Variants in SCUBE1 observed in about 807,000 individuals in gnomAD.
The protein encoded by SCUBE1 is signal peptide, CUB and EGF-like domain-containing protein 1.
Under a neutral mutation model 124.4 loss-of-function variants are expected in SCUBE1, and 59 were observed. The observed-to-expected ratio is 0.47, with a 90% confidence interval of 0.38 to 0.59. The LOEUF is 0.59. SCUBE1 is among the 20% of genes least tolerant of loss of function. The pLI, the probability that SCUBE1 is intolerant of heterozygous loss-of-function variation, is 0.00. For missense variants in SCUBE1, 1,150 were observed against 1,371.2 expected (o/e 0.84, Z 2.55); for synonymous variants, 545 against 550.9 (o/e 0.99, Z 0.15).
Position 43,210,201 on chromosome 22 carries a change from T to G in SCUBE1, c.2423A>C (p.Tyr808Ser). The change falls in exon 19 of 22, where the codon TAC becomes TCC. Residue 808 changes from tyrosine (Y) to serine (S), a missense_variant. Transcript: ENST00000360835. This position sits in a 1 kb window ranked among gnomAD's most constrained non-coding sequence, Gnocchi z 4.5. ...GCCAGGGTAGTTGGGGGACTCGATG[T>G]AGCCGGTGTAGTCACCAAGCTCGCC... is the stretch of plus-strand genomic sequence containing the variant. ...CGGELGDYTG[Y>S]IESPNYPGDY... 1 of 1,587,754 alleles carries G rather than the reference T, an allele frequency of 6.3e-7. No homozygotes were observed. The highest frequency in any genetic ancestry group is 8.6e-7 in the Non-Finnish European group (1 of 1,166,974).
Position 43,234,798 on chromosome 22 carries a change from G to A in SCUBE1, c.845-2923C>T, listed in dbSNP as rs1922692926. Among the ~76,000 whole-genome samples the A allele has an allele frequency of 6.6e-6, 1 of 152,170 alleles. No homozygotes were observed. Among genetic ancestry groups the A allele is most frequent in the African/African-American group, 2.4e-5 (1 of 41,450 alleles). Reference sequence around the variant, plus strand: ...ATTCTGAGGCTCCTGAGTCTGCTAGGATGTGGGCCCTCCCTCTGCAGAGGC... The same window carrying A: ...ATTCTGAGGCTCCTGAGTCTGCTAGAATGTGGGCCCTCCCTCTGCAGAGGC... On this transcript the variant is annotated intron_variant, in intron 7 of 21. Coordinates refer to ENST00000360835, the MANE Select transcript of SCUBE1 (RefSeq NM_173050.5). The surrounding 1 kb of genome is among the most constrained non-coding windows in gnomAD (Gnocchi z 4.4).
At chr22:43,269,134 C>T (rs2146719984) in intron 4 of SCUBE1, among the ~76,000 whole-genome samples, 1 of 152,268 alleles carries the variant, frequency 6.6e-6, no homozygotes, top group East Asian at 1.9e-4. Context: ...GAGGTTGGGA[C>T]AGCGTCGGGG....
At position 43,211,490 on chromosome 22, in the gene SCUBE1, G is replaced by A. The variant is rs1309202312; in HGVS notation, c.2222-407C>T. The stretch of plus-strand genomic sequence containing the variant: ...GACAGGCGGCCGGAGTCTGAGGGGT[G>A]CCGGGGCGGGGGGCTAGAGATGGGC... On this transcript the variant is annotated intron_variant, in intron 17 of 21. Transcript: ENST00000360835. This position sits in a 1 kb window ranked among gnomAD's most constrained non-coding sequence, Gnocchi z 4.5. Among the ~76,000 whole-genome samples, 1 of 151,898 alleles carries A rather than the reference G, an allele frequency of 6.6e-6. No homozygotes were observed. The highest frequency in any genetic ancestry group is 1.5e-5 in the Non-Finnish European group (1 of 67,964).
rs1253829118 is a variant in SCUBE1 at position 43,280,783 on chromosome 22, TCTC to T, written c.484+10260_484+10262del. Among the ~76,000 whole-genome samples, 31 of 95,450 alleles carry T rather than the reference TCTC, an allele frequency of 3.2e-4. 2 individuals are homozygous for T. Among genetic ancestry groups the T allele is most frequent in the African/African-American group, 1.2e-3 (25 of 20,310 alleles). 62.6% of individuals were successfully genotyped at this position (95,450 alleles called of 152,430 possible). A position where few individuals can be genotyped will look rare whatever the true frequency, so the allele number is the denominator to read the frequency against. Reference sequence around the variant, plus strand: ...TCCCTCATTGGCCACCCTCCTGTCATCTCCTCCTCAGCTACCCTGTCACCTCCC... The same window carrying T: ...TCCCTCATTGGCCACCCTCCTGTCATCTCCTCAGCTACCCTGTCACCTCCC... On this transcript the variant is annotated intron_variant, in intron 4 of 21. Coordinates refer to ENST00000360835, the MANE Select transcript of SCUBE1 (RefSeq NM_173050.5).
rs62232090 is a variant in SCUBE1, at chr22:43,255,320, C to A, written c.727+2899G>T. Among the ~76,000 whole-genome samples, 2 of 152,160 alleles carry A rather than the reference C, an allele frequency of 1.3e-5. No homozygotes were observed. Among genetic ancestry groups the A allele is most frequent in the East Asian group, 3.8e-4 (2 of 5,196 alleles). On this transcript the variant is annotated intron_variant, in intron 6 of 21. Transcript: ENST00000360835. The surrounding 1 kb of genome is among the most constrained non-coding windows in gnomAD (Gnocchi z 4.7). ...CTCACACGACACGCAGGACTGCACA[C>A]ACGTGGGCACACCCCACAACACAGA...
intron 15 of SCUBE1, among the ~76,000 whole-genome samples, chr22:43,217,065 CACCCTG>C (rs1921854261): frequency 1.0e-5 from 1 of 96,066 alleles, no homozygotes. Context: ...ACAGCTTCCC[CACCCTG>C]CCAGGTGTCA....
chr22:43,221,088 C>T, intron 13 of SCUBE1, 85 bp downstream of exon 13: 2 of 982,242 alleles, frequency 2.0e-6, no homozygotes, highest in Admixed American at 3.9e-5. Context: ...ACCAGACTCG[C>T]TGGACCCTGG....
At chr22:43,225,089 C>G (rs1470201723) in intron 10 of SCUBE1, among the ~76,000 whole-genome samples, 4 of 152,146 alleles carry the variant, frequency 2.6e-5, no homozygotes. Flanking sequence ...GCTTCTGCCA[C>G]TGGTATACCT....
At chr22:43,227,274 G>A (rs1027772729) in intron 10 of SCUBE1, 100 bp downstream of exon 10, 23 of 1,361,478 alleles carry the variant, frequency 1.7e-5, no homozygotes, top group Admixed American at 2.1e-5. Context: ...AGAGGAAAGG[G>A]AGGGGCTGTC....
chr22:43,238,878 G>A lies in SCUBE1; in HGVS notation c.804C>T (p.Pro268=), dbSNP rs768353995. The part of the protein sequence containing the change: ...DTATGVRCSC[P]VGFTLQPDGK... ...CGTCCGGCTGCAGTGTGAATCCAAC[G>A]GGGCAGCTGCATCGCACGCCAGTGG... The change falls in exon 7 of 22, where the codon CCC becomes CCT. Residue 268 remains proline, a synonymous_variant. Transcript: ENST00000360835. 29 of 1,613,116 alleles carry A rather than the reference G, an allele frequency of 1.8e-5. No individual in the cohort carries two copies. The highest frequency in any genetic ancestry group is 4.4e-5 in the South Asian group (4 of 91,088).
intron 4 of SCUBE1, among the ~76,000 whole-genome samples, chr22:43,277,033 CAGAGACATG>C (rs1197675052): frequency 1.8e-4 from 27 of 152,130 alleles, no homozygotes; most frequent in Non-Finnish European, 3.2e-4. Context: ...GGCCCGGGAG[CAGAGACATG>C]AGAGACAGGG....
chr22:43,281,567 C>A (rs1338292796), intron 4 of SCUBE1, among the ~76,000 whole-genome samples: 4 of 145,150 alleles, frequency 2.8e-5, no homozygotes, highest in Admixed American at 7.0e-5. Flanking sequence ...CCCCCTCAGC[C>A]ACCCTCCTGT....
intron 4 of SCUBE1, among the ~76,000 whole-genome samples, chr22:43,264,855 C>T (rs1382186852): frequency 6.6e-6 from 1 of 152,252 alleles, no homozygotes; most frequent in East Asian, 1.9e-4. Context: ...CTGCCTCAAA[C>T]TCCACCAGTT....
rs372526252 is a variant in SCUBE1, at chr22:43,262,193, G to T, written c.610+527C>A. ...CATTTTATTTTAGAGATGGGGTCTT[G>T]CTGTATTGTCCAAGCTGGACTCAAA... On this transcript the variant is annotated intron_variant, in intron 5 of 21. Transcript: ENST00000360835. Among the ~76,000 whole-genome samples the T allele has an allele frequency of 3.9e-5, 6 of 152,308 alleles. No homozygotes were observed. The East Asian group carries it at 7.7e-4, about 20-fold the overall frequency.
At chr22:43,307,202 G>A (rs1926002220) in intron 3 of SCUBE1, among the ~76,000 whole-genome samples, 1 of 152,212 alleles carries the variant, frequency 6.6e-6, no homozygotes, top group Admixed American at 6.5e-5. Flanking sequence ...AGGAGCTCAG[G>A]GCCATGTCAG....
chr22:43,203,370 ATATT>A lies in SCUBE1; in HGVS notation c.*623_*626del, dbSNP rs1025092661. 18 of 147,496 alleles carry A rather than the reference ATATT, an allele frequency of 1.2e-4. No homozygotes were observed. Among genetic ancestry groups the A allele is most frequent in the Non-Finnish European group, 2.1e-4 (14 of 66,934 alleles). The allele number at this position is 147,496 out of a possible 1,614,324, so 9.1% of individuals were successfully genotyped here. A position where few individuals can be genotyped will look rare whatever the true frequency, so the allele number is the denominator to read the frequency against. On this transcript the variant is annotated 3_prime_UTR_variant, in exon 22 of 22. Transcript: ENST00000360835. ...TACCCACAAATAGAAGTATATATAT[ATATT>A]TATATATATATTTATATATATATAT...
intron 2 of SCUBE1, among the ~76,000 whole-genome samples, chr22:43,338,208 C>A (rs1227717972): frequency 6.6e-6 from 1 of 152,208 alleles, no homozygotes; most frequent in Non-Finnish European, 1.5e-5. Flanking sequence ...TTGCAGAGTC[C>A]TGGCACCAAA....
chr22:43,239,048 G>A (rs1475363823), intron 6 of SCUBE1, 94 bp from the exon 7 acceptor site: 55 of 979,302 alleles, frequency 5.6e-5, no homozygotes, highest in Admixed American at 3.5e-4. Flanking sequence ...GACAGGAGAC[G>A]AGACCCGGGT....
intron 4 of SCUBE1, chr22:43,283,861 G>A (rs1270719545): frequency 6.6e-6 from 1 of 152,226 alleles, no homozygotes; most frequent in African/African-American, 2.4e-5. Context: ...TTATCATCAG[G>A]TATTTGCCCT....
Sources: gnomAD v4.1 joint callset for allele counts (sites outside exome capture counted in the v4.1 genomes callset) on GRCh38, gnomAD v4.1.1 for gene constraint, Gnocchi (gnomAD v3.1) non-coding constraint, MANE v1.5 for transcripts, NCBI Gene and HGNC (gene_info 2026-07-23, HGNC 2026-07-21) for gene names.